Variants in DACH2 observed in about 807,000 individuals in gnomAD.
DACH2 encodes the protein dachshund family transcription factor 2, also known as dachshund homolog 2.
DACH2 carries 17 observed loss-of-function variants against 35.8 expected under a neutral mutation model. The observed-to-expected ratio is 0.48, with a 90% CI of 0.33 to 0.71. DACH2 has a LOEUF of 0.71. DACH2 is among the 30% of genes least tolerant of loss of function. DACH2 has a pLI of 0.02. For missense variants in DACH2, 469 were observed against 472.7 expected (o/e 0.99, Z 0.07); for synonymous variants, 195 against 177.3 (o/e 1.10, Z -0.79).
At chrX:86,665,994 C>T (rs942058188) in intron 4 of DACH2, among the ~76,000 whole-genome samples, 1 of 111,136 alleles carries the variant, frequency 9.0e-6, no homozygotes, top group Admixed American at 9.7e-5. Context: ...CATTAATTTA[C>T]ACTTTTTTAT....
At chrX:86,393,888 T>C (rs185965425) in intron 2 of DACH2, among the ~76,000 whole-genome samples, 198 of 110,636 alleles carry the variant, frequency 1.8e-3, no homozygotes, top group Non-Finnish European at 3.2e-3. Flanking sequence ...AAAACACTTA[T>C]CTTTATCCCA....
intron 3 of DACH2, among the ~76,000 whole-genome samples, chrX:86,516,836 G>A (rs1244392016): frequency 1.8e-5 from 2 of 110,744 alleles, no homozygotes; most frequent in African/African-American, 6.6e-5. Context: ...TCCTGTATTA[G>A]TTTGCTAAGG....
At chrX:86,218,186 T>A (rs987557528) in intron 1 of DACH2, among the ~76,000 whole-genome samples, 1 of 111,881 alleles carries the variant, frequency 8.9e-6, no homozygotes, top group African/African-American at 3.2e-5. Context: ...ACTATGTTAG[T>A]GTGTAAAGCA....
intron 7 of DACH2, among the ~76,000 whole-genome samples, chrX:86,801,286 G>A (rs555893710): frequency 1.1e-4 from 12 of 108,834 alleles, no homozygotes; most frequent in South Asian, 4.0e-4. Flanking sequence ...GTGGCTATTC[G>A]TAGGCATGAT....
At chrX:86,549,680 A>G (rs1209519318) in intron 3 of DACH2, among the ~76,000 whole-genome samples, 1 of 111,265 alleles carries the variant, frequency 9.0e-6, no homozygotes, top group Non-Finnish European at 1.9e-5. Context: ...CACTAAAAGT[A>G]TAGTGAAAAT....
At chrX:86,556,751 GATATGTATATATATATAT>G (rs2039125346) in intron 3 of DACH2, among the ~76,000 whole-genome samples, 1 of 30,447 alleles carries the variant, frequency 3.3e-5, no homozygotes, top group African/African-American at 1.3e-4. Flanking sequence ...GAACCAATAG[GATATGTATATATATATAT>G]ATATATATAT....
chrX:86,321,003 C>T (rs1316305001), intron 1 of DACH2, among the ~76,000 whole-genome samples: 1 of 111,455 alleles, frequency 9.0e-6, no homozygotes, highest in Non-Finnish European at 1.9e-5. Flanking sequence ...TTCAGTAATG[C>T]CCAATAATCC....
intron 1 of DACH2, among the ~76,000 whole-genome samples, chrX:86,287,125 C>A (rs981881053): frequency 3.0e-4 from 33 of 110,744 alleles, no homozygotes; most frequent in Admixed American, 2.0e-3. Context: ...ATTTCTCCTT[C>A]ATGTTTCAAG....
chrX:86,188,217 C>A (rs762427056), intron 1 of DACH2, among the ~76,000 whole-genome samples: 1 of 112,058 alleles, frequency 8.9e-6, no homozygotes, highest in South Asian at 3.7e-4. Flanking sequence ...AGACCATTTT[C>A]TTTTCACTGG....
At chrX:86,414,075 A>G (rs1159906852) in intron 2 of DACH2, among the ~76,000 whole-genome samples, 1 of 111,389 alleles carries the variant, frequency 9.0e-6, no homozygotes, top group Non-Finnish European at 1.9e-5. Flanking sequence ...ATTGTCAGTA[A>G]GGTAGTGGGA....
chrX:86,819,572 A>G (rs1295969369), intron 11 of DACH2, among the ~76,000 whole-genome samples: 1 of 112,061 alleles, frequency 8.9e-6, no homozygotes, highest in Non-Finnish European at 1.9e-5. Context: ...TAGCTAACAA[A>G]GTAATATTTC....
chrX:86,730,447 T>C (rs1468399467), intron 6 of DACH2, among the ~76,000 whole-genome samples: 1 of 112,068 alleles, frequency 8.9e-6, no homozygotes, highest in African/African-American at 3.2e-5. Context: ...GTCTAATCTG[T>C]AAGCCATGTT....
At chrX:86,252,842 G>T (rs1037603843) in intron 1 of DACH2, among the ~76,000 whole-genome samples, 2 of 110,364 alleles carry the variant, frequency 1.8e-5, no homozygotes, top group Non-Finnish European at 3.8e-5. Flanking sequence ...TTTTGTTTCT[G>T]TATGAATTTT....
chrX:86,249,747 C>A (rs761175499), intron 1 of DACH2, among the ~76,000 whole-genome samples: 1 of 111,626 alleles, frequency 9.0e-6, no homozygotes, highest in African/African-American at 3.2e-5. Context: ...AAGACACATA[C>A]ACATCTATGT....
At chrX:86,794,327 A>G (rs1036789963) in intron 7 of DACH2, among the ~76,000 whole-genome samples, 1 of 110,480 alleles carries the variant, frequency 9.1e-6, no homozygotes, top group Non-Finnish European at 1.9e-5. Context: ...CAGTTTTAAG[A>G]CCATTCTTTT....
At chrX:86,307,375 T>C (rs192916356) in intron 1 of DACH2, among the ~76,000 whole-genome samples, 27 of 112,049 alleles carry the variant, frequency 2.4e-4, no homozygotes, top group African/African-American at 8.8e-4. Flanking sequence ...TGTCTACTGT[T>C]AAAGTGAGGG....
chrX:86,154,732 G>A (rs1370240892), intron 1 of DACH2, among the ~76,000 whole-genome samples: 1 of 111,494 alleles, frequency 9.0e-6, no homozygotes. Flanking sequence ...AATCACTTCA[G>A]ATGGATTCTC....
chrX:86,251,121 CT>C (rs1190653882), intron 1 of DACH2, among the ~76,000 whole-genome samples: 5 of 110,537 alleles, frequency 4.5e-5, no homozygotes, highest in Non-Finnish European at 9.5e-5. Flanking sequence ...TTGTCCACAC[CT>C]TCCCTGAGCA....
chrX:86,239,854 CT>C (rs1331682051), intron 1 of DACH2, among the ~76,000 whole-genome samples: 5 of 111,714 alleles, frequency 4.5e-5, no homozygotes, highest in African/African-American at 1.6e-4. Flanking sequence ...TGTTATATAT[CT>C]TTTTCATTTT....
Sources: gnomAD v4.1 joint callset for allele counts (sites outside exome capture counted in the v4.1 genomes callset) on GRCh38, gnomAD v4.1.1 for gene constraint, MANE v1.5 for transcripts, NCBI Gene and HGNC (gene_info 2026-07-23, HGNC 2026-07-21) for gene names.